The following OSBPL10 variants were observed in gnomAD, a reference collection of about 807,000 sequenced individuals.
The protein encoded by OSBPL10 is oxysterol binding protein like 10.
Under a neutral mutation model 81.7 loss-of-function variants are expected in OSBPL10, and 49 were observed. The observed-to-expected ratio is 0.60, with a 90% CI of 0.48 to 0.76. The LOEUF (loss-of-function observed/expected upper bound fraction) is 0.76, where lower values mean the gene tolerates loss of function less well. Among genes scored for constraint, OSBPL10 ranks in the 30% least tolerant of loss-of-function variants. The pLI is 0.00. For missense variants in OSBPL10, 923 were observed against 987.8 expected (o/e 0.93, Z 0.88); for synonymous variants, 419 against 383.6 (o/e 1.09, Z -1.08).
rs1419030241 is a variant in OSBPL10 at position 32,061,441 on chromosome 3, C to A, written n.186-14838G>T. 2.2e-5 allele frequency among the ~76,000 whole-genome samples: 2 copies of A among 92,910 alleles called. 1 individual carries two copies. Among genetic ancestry groups the A allele is most frequent in the South Asian group, 8.4e-4 (2 of 2,386 alleles). 61.0% of individuals were successfully genotyped at this position (92,910 alleles called of 152,430 possible). A position where few individuals can be genotyped will look rare whatever the true frequency, so the allele number is the denominator to read the frequency against. ...ATTATGATAAAATACTTCATGGGCA[C>A]TATTTAAGGTGAAGCCCTTGAGGAA... On this transcript the variant is annotated intron_variant and non_coding_transcript_variant, in intron 1 of 3. Transcript: ENST00000479173.
intron 1 of OSBPL10, among the ~76,000 whole-genome samples, chr3:31,949,619 G>GATC (rs1445160234): frequency 8.4e-6 from 1 of 119,576 alleles, no homozygotes; most frequent in African/African-American, 3.1e-5. Context: ...AGTGAGCTGA[G>GATC]ATCACCTCAC....
chr3:31,860,518 G>C (rs1034642001), intron 3 of OSBPL10, among the ~76,000 whole-genome samples: 1 of 152,092 alleles, frequency 6.6e-6, no homozygotes, highest in East Asian at 1.9e-4. Flanking sequence ...GGGACTGAAC[G>C]ACCAAGGAGG....
Position 31,660,914 on chromosome 3 carries a change from A to C in OSBPL10, c.*1158T>G, listed in dbSNP as rs1191360900. On this transcript the variant is annotated 3_prime_UTR_variant, in exon 12 of 12. Coordinates refer to ENST00000396556, the MANE Select transcript of OSBPL10 (RefSeq NM_017784.5). ...AGACAAAAGGCACAAAATTAGTATTACTACAGAGAAGCATTCATGCTATTT... is the reference window on the plus strand; with the variant it reads ...AGACAAAAGGCACAAAATTAGTATTCCTACAGAGAAGCATTCATGCTATTT... 3 of 152,676 alleles carry C rather than the reference A, an allele frequency of 2.0e-5. No individual in the cohort carries two copies. The highest frequency in any genetic ancestry group is 4.4e-5 in the Non-Finnish European group (3 of 68,034). The allele number at this position is 152,676 out of a possible 1,614,324, so 9.5% of individuals were successfully genotyped here. A position where few individuals can be genotyped will look rare whatever the true frequency, so the allele number is the denominator to read the frequency against.
At chr3:31,973,004 C>T (rs1191074317) in intron 1 of OSBPL10, among the ~76,000 whole-genome samples, 1 of 152,104 alleles carries the variant, frequency 6.6e-6, no homozygotes, top group Non-Finnish European at 1.5e-5. Flanking sequence ...GGGCTGTGAC[C>T]ATATTCAGTC....
chr3:31,956,992 G>A (rs751474845), intron 1 of OSBPL10, among the ~76,000 whole-genome samples: 2 of 152,028 alleles, frequency 1.3e-5, no homozygotes, highest in Non-Finnish European at 2.9e-5. Context: ...AAAGTTATCT[G>A]GATGTGGTGG....
intron 4 of OSBPL10, among the ~76,000 whole-genome samples, chr3:31,774,085 C>CT (rs1487905242): frequency 1.3e-5 from 2 of 150,488 alleles, no homozygotes; most frequent in Non-Finnish European, 2.9e-5. Context: ...TCGCTTGAAC[C>CT]TGGGAGGCGG....
intron 3 of OSBPL10, among the ~76,000 whole-genome samples, chr3:31,862,025 T>C (rs1701066541): frequency 6.6e-6 from 1 of 152,182 alleles, no homozygotes; most frequent in South Asian, 2.1e-4. Flanking sequence ...CCAGTTTTCT[T>C]ACAGCCCATG....
chr3:31,702,646 T>C lies in OSBPL10; in HGVS notation c.1096-138A>G, dbSNP rs1575486438. On this transcript the variant is annotated intron_variant, in intron 6 of 11. Transcript: ENST00000396556. ...AGAGCTCCTCTGTGACCCAGTCCTA[T>C]TGGCCACGGGGCAGACAAGTCCCCT... 4 of 1,220,302 alleles carry C rather than the reference T, an allele frequency of 3.3e-6. 1 individual carries two copies. The Admixed American group carries it at 6.8e-5, about 21-fold the overall frequency. The allele number at this position is 1,220,302 out of a possible 1,614,324, so 75.6% of individuals were successfully genotyped here.
At chr3:31,716,059 G>A (rs2125626855) in intron 6 of OSBPL10, among the ~76,000 whole-genome samples, 1 of 152,220 alleles carries the variant, frequency 6.6e-6, no homozygotes, top group South Asian at 2.1e-4. Context: ...CTCTAAATTA[G>A]GTCTACTGTG....
At chr3:31,826,607 T>G (rs999079865) in intron 4 of OSBPL10, among the ~76,000 whole-genome samples, 2 of 152,232 alleles carry the variant, frequency 1.3e-5, no homozygotes, top group African/African-American at 4.8e-5. Context: ...TTTTCTCCAT[T>G]GCTTCTGTGG....
At chr3:31,783,273 A>AT (rs1698751907) in intron 4 of OSBPL10, among the ~76,000 whole-genome samples, 2 of 151,776 alleles carry the variant, frequency 1.3e-5, no homozygotes, top group South Asian at 4.2e-4. Flanking sequence ...ACCAAACATC[A>AT]TATGTTCTGA....
chr3:31,731,704 G>T (rs986791360), intron 6 of OSBPL10, among the ~76,000 whole-genome samples: 1 of 152,018 alleles, frequency 6.6e-6, no homozygotes, highest in African/African-American at 2.4e-5. Flanking sequence ...GGTCAGGCTG[G>T]TCTCAAACTC....
chr3:31,834,477 C>G (rs1700322310), intron 3 of OSBPL10, among the ~76,000 whole-genome samples: 1 of 152,202 alleles, frequency 6.6e-6, no homozygotes, highest in Non-Finnish European at 1.5e-5. Flanking sequence ...AGTGTGGGAG[C>G]AGGTGAGACC....
At chr3:32,035,359 C>T (rs977646933) in intron 2 of OSBPL10, among the ~76,000 whole-genome samples, 2 of 151,960 alleles carry the variant, frequency 1.3e-5, no homozygotes, top group African/African-American at 2.4e-5. Flanking sequence ...CTCAAGAGTT[C>T]GAGACCAGCT....
intron 4 of OSBPL10, among the ~76,000 whole-genome samples, chr3:31,826,110 C>A (rs1301835302): frequency 1.3e-5 from 2 of 152,144 alleles, no homozygotes; most frequent in Non-Finnish European, 2.9e-5. Context: ...AGCCCCAGTT[C>A]CATAAATTGT....
intron 2 of OSBPL10, chr3:32,030,439 G>C (rs986176633): frequency 4.7e-5 from 32 of 677,816 alleles, no homozygotes; most frequent in Non-Finnish European, 7.4e-5. Context: ...ACAAGTTAAG[G>C]GCAAGATTCT....
In OSBPL10 at chr3:31,978,228, A is replaced by C. The variant is rs532754527; in HGVS notation, c.281+2671T>G. ...ACTTGGTTGCTATAGATTTGTCATTAACTGTGGGCACTTTGAAAAGAACTG... is the reference window on the plus strand; with the variant it reads ...ACTTGGTTGCTATAGATTTGTCATTCACTGTGGGCACTTTGAAAAGAACTG... On this transcript the variant is annotated intron_variant, in intron 1 of 11. Transcript: ENST00000396556. 2.0e-5 allele frequency among the ~76,000 whole-genome samples: 3 copies of C among 152,152 alleles called. No individual in the cohort carries two copies. The East Asian group carries it at 5.8e-4, about 29-fold the overall frequency.
At chr3:31,851,534 G>A (rs1433459222) in intron 3 of OSBPL10, among the ~76,000 whole-genome samples, 1 of 152,194 alleles carries the variant, frequency 6.6e-6, no homozygotes. Context: ...AAGGCACCAG[G>A]GCCAAGGCTC....
chr3:31,850,334 A>T (rs1700733056), intron 3 of OSBPL10, among the ~76,000 whole-genome samples: 1 of 152,158 alleles, frequency 6.6e-6, no homozygotes, highest in African/African-American at 2.4e-5. Context: ...ACTCCATCTC[A>T]AAAAGAAAAA....
Sources: gnomAD v4.1 joint callset for allele counts (sites outside exome capture counted in the v4.1 genomes callset) on GRCh38, gnomAD v4.1.1 for gene constraint, MANE v1.5 for transcripts, NCBI Gene and HGNC (gene_info 2026-07-23, HGNC 2026-07-21) for gene names.